NCOA3: variants seen among roughly 807,000 people sequenced by gnomAD.
The protein encoded by NCOA3 is nuclear receptor coactivator 3, also known as CBP-interacting protein.
Under a neutral mutation model 158.8 loss-of-function variants are expected in NCOA3, and 51 were observed. That is an observed-to-expected ratio of 0.32 (90% CI 0.26 to 0.41). NCOA3 has a LOEUF of 0.41. Ranked by LOEUF, NCOA3 falls within the 10% of genes least tolerant of loss-of-function variation. The probability of loss-of-function intolerance (pLI) is 1.00; values close to 1 mark genes in which losing one functional copy is unlikely to be tolerated. For synonymous variants in NCOA3, 537 were observed against 592.4 expected (o/e 0.91, Z 1.36); for missense variants, 1,510 against 1,746.6 (o/e 0.86, Z 2.41).
chr20:47,571,336 G>C (rs1316976884), intron 1 of NCOA3, among the ~76,000 whole-genome samples: 2 of 113,844 alleles, frequency 1.8e-5, no homozygotes, highest in Non-Finnish European at 3.7e-5. Context: ...TTTTTTTTTT[G>C]AGACAGATTC....
At chr20:47,505,662 G>C (rs1396849224) in intron 1 of NCOA3, among the ~76,000 whole-genome samples, 3 of 152,098 alleles carry the variant, frequency 2.0e-5, no homozygotes, top group African/African-American at 7.2e-5. Context: ...CAGAAAATTA[G>C]TATTGGAAAT....
intron 2 of NCOA3, among the ~76,000 whole-genome samples, chr20:47,589,140 G>A (rs1234336084): frequency 2.0e-5 from 3 of 151,984 alleles, no homozygotes; most frequent in Non-Finnish European, 4.4e-5. Flanking sequence ...TGATCCACCC[G>A]CCTCAGCTTC....
At chr20:47,618,904 A>G (rs191347302) in intron 2 of NCOA3, among the ~76,000 whole-genome samples, 2 of 152,348 alleles carry the variant, frequency 1.3e-5, no homozygotes, top group South Asian at 2.1e-4. Flanking sequence ...TTGCATATTA[A>G]GAGATTGTCA....
At chr20:47,526,044 C>G (rs891014030) in intron 1 of NCOA3, among the ~76,000 whole-genome samples, 2 of 147,622 alleles carry the variant, frequency 1.4e-5, no homozygotes, top group Non-Finnish European at 3.0e-5. Flanking sequence ...ACTTCTCAGA[C>G]GGGGCGGTTG....
intron 1 of NCOA3, among the ~76,000 whole-genome samples, chr20:47,579,533 C>T (rs947713410): frequency 2.0e-5 from 3 of 152,096 alleles, no homozygotes; most frequent in African/African-American, 4.8e-5. Flanking sequence ...ATCTTTTTTC[C>T]AGACAAGTTT....
At position 47,656,042 on chromosome 20, in the gene NCOA3, A is replaced by G. The variant is rs915584545; in HGVS notation, c.*2625A>G. On this transcript the variant is annotated 3_prime_UTR_variant, in exon 23 of 23. Transcript: ENST00000371998. The stretch of plus-strand genomic sequence containing the variant: ...CTCTCCTCACACCCCAGCACCCCCC[A>G]TTTTTTCAAACCTTGGTATCTGTTG... 1 of 142,174 alleles carries G rather than the reference A, an allele frequency of 7.0e-6. No individual in the cohort carries two copies. Among genetic ancestry groups the G allele is most frequent in the Admixed American group, 7.0e-5 (1 of 14,236 alleles). The allele number at this position is 142,174 out of a possible 1,614,324, so 8.8% of individuals were successfully genotyped here.
chr20:47,570,341 T>C lies in NCOA3; in HGVS notation c.-98-12842T>C, dbSNP rs148226200. 5.5e-3 allele frequency among the ~76,000 whole-genome samples: 845 copies of C among 152,324 alleles called. 3 individuals carry two copies. The highest frequency in any genetic ancestry group is 0.01 in the Middle Eastern group (3 of 294). The stretch of plus-strand genomic sequence containing the variant: ...CTGTAGTCCCAGCTCCTCAGGAAGC[T>C]GAGGCAGGAGGATTGCTTGAGCGTG... On this transcript the variant is annotated intron_variant, in intron 1 of 22. Transcript: ENST00000371998.
intron 1 of NCOA3, among the ~76,000 whole-genome samples, chr20:47,558,118 C>T (rs541543061): frequency 5.6e-4 from 83 of 148,932 alleles, no homozygotes; most frequent in Non-Finnish European, 9.6e-4. Flanking sequence ...AGTGCAACGG[C>T]GCAATCTCGG....
rs1195486186 is a variant in NCOA3, at chr20:47,647,282, C to G, written c.3462C>G (p.His1154Gln). The G allele has an allele frequency of 6.2e-7, 1 of 1,614,150 alleles. No homozygotes were observed. The highest frequency in any genetic ancestry group is 2.2e-5 in the East Asian group (1 of 44,886). Residue 1154 changes from histidine to glutamine, a missense_variant, in exon 18 of 23, where the codon CAC (histidine) becomes CAG (glutamine). Coordinates refer to ENST00000371998, the MANE Select transcript of NCOA3 (RefSeq NM_181659.3). ...GCAATTTTCCTCTCCAAGGAATGCA[C>G]CCACGAGCCAACATCATGAGACCCC... ...QQGNFPLQGM[H>Q]PRANIMRPRT...
At chr20:47,642,114 A>C in intron 16 of NCOA3, 99 bp from the exon 17 acceptor site, 2 of 862,110 alleles carry the variant, frequency 2.3e-6, no homozygotes, top group South Asian at 3.9e-5. Flanking sequence ...GTAGCATTTG[A>C]GTTACTGTTC....
intron 2 of NCOA3, among the ~76,000 whole-genome samples, chr20:47,613,812 G>A (rs1034761750): frequency 2.0e-4 from 30 of 151,864 alleles, no homozygotes; most frequent in African/African-American, 7.0e-4. Flanking sequence ...TCGGGAGGCT[G>A]AGGCAGGAGA....
chr20:47,637,795 C>T lies in NCOA3; in HGVS notation c.2512+12C>T. ...AACTAATTCTCTGGGTAAGAATGAA[C>T]TAGGTTTTTTTTTTTTTTGCTGCCT... is the stretch of plus-strand genomic sequence containing the variant. On this transcript the variant is annotated intron_variant, in intron 13 of 22. Coordinates refer to ENST00000371998, the MANE Select transcript of NCOA3 (RefSeq NM_181659.3). The T allele has an allele frequency of 6.4e-7, 1 of 1,566,598 alleles. No individual in the cohort carries two copies. The highest frequency in any genetic ancestry group is 8.6e-7 in the Non-Finnish European group (1 of 1,162,134).
intron 13 of NCOA3, among the ~76,000 whole-genome samples, chr20:47,638,771 A>G (rs2086556874): frequency 7.7e-6 from 1 of 129,218 alleles, no homozygotes; most frequent in Middle Eastern, 4.5e-3. Context: ...TTCAGCCGAC[A>G]TGGAGATTGT....
At chr20:47,518,242 A>T (rs1006169892) in intron 1 of NCOA3, among the ~76,000 whole-genome samples, 1 of 151,776 alleles carries the variant, frequency 6.6e-6, no homozygotes, top group African/African-American at 2.4e-5. Flanking sequence ...GCCACTCAGG[A>T]GACTGAGGTG....
In NCOA3 at chr20:47,656,319, G is replaced by T. The variant is rs1219674168; in HGVS notation, c.*2902G>T. Reference sequence around the variant, plus strand: ...TTGAAAGGTGTAAATATCAATAACAGTGCTACTTAGTTATCAGTATTTAAT... The same window carrying T: ...TTGAAAGGTGTAAATATCAATAACATTGCTACTTAGTTATCAGTATTTAAT... On this transcript the variant is annotated 3_prime_UTR_variant, in exon 23 of 23. Coordinates refer to ENST00000371998, the MANE Select transcript of NCOA3 (RefSeq NM_181659.3). The T allele has an allele frequency of 1.3e-5, 2 of 152,092 alleles. No homozygotes were observed. Among genetic ancestry groups the T allele is most frequent in the Non-Finnish European group, 2.9e-5 (2 of 68,008 alleles). The allele number at this position is 152,092 out of a possible 1,614,324, so 9.4% of individuals were successfully genotyped here.
intron 17 of NCOA3, 109 bp from the exon 18 acceptor site, chr20:47,646,964 C>CTT: frequency 1.1e-6 from 1 of 937,832 alleles, no homozygotes; most frequent in Non-Finnish European, 1.6e-6. Flanking sequence ...CAAGCATTTA[C>CTT]TTAAATACTT....
intron 2 of NCOA3, among the ~76,000 whole-genome samples, chr20:47,586,897 T>G (rs1051676829): frequency 4.6e-5 from 7 of 152,256 alleles, no homozygotes; most frequent in African/African-American, 1.7e-4. Context: ...TCCCTTATTG[T>G]GATGCAAATT....
chr20:47,636,844 T>C, intron 12 of NCOA3, 82 bp downstream of exon 12: 1 of 1,315,702 alleles, frequency 7.6e-7, no homozygotes, highest in Non-Finnish European at 1.0e-6. Flanking sequence ...TCTTCCATTT[T>C]AGGTTTATTT....
intron 2 of NCOA3, among the ~76,000 whole-genome samples, chr20:47,600,168 A>T (rs1024803013): frequency 7.0e-6 from 1 of 142,384 alleles, no homozygotes; most frequent in Admixed American, 6.9e-5. Context: ...TTATATATAT[A>T]TATTTTTTTA....
Sources: gnomAD v4.1 joint callset for allele counts (sites outside exome capture counted in the v4.1 genomes callset) on GRCh38, gnomAD v4.1.1 for gene constraint, MANE v1.5 for transcripts, NCBI Gene and HGNC (gene_info 2026-07-23, HGNC 2026-07-21) for gene names.